CA5A: variants seen among roughly 807,000 people sequenced by gnomAD.
The protein encoded by CA5A is carbonic anhydrase 5A, also known as carbonic anhydrase 5A, mitochondrial.
Under a neutral mutation model 37.1 loss-of-function variants are expected in CA5A, and 28 were observed. That is an observed-to-expected ratio of 0.75 (90% confidence interval 0.56 to 1.03). The LOEUF (loss-of-function observed/expected upper bound fraction) is 1.03, where lower values mean the gene tolerates loss of function less well. Ranked by LOEUF, CA5A falls within the 50% of genes least tolerant of loss-of-function variation. The pLI is 0.00. For synonymous variants in CA5A, 171 were observed against 158.4 expected (o/e 1.08, Z -0.60); for missense variants, 444 against 399.9 (o/e 1.11, Z -0.94).
intron 2 of CA5A, among the ~76,000 whole-genome samples, chr16:87,905,856 C>T (rs551203224): frequency 9.2e-5 from 14 of 152,356 alleles, no homozygotes; most frequent in Non-Finnish European, 1.8e-4. Flanking sequence ...TGGCACAGTG[C>T]CAGGTGCAGC....
At position 87,902,503 on chromosome 16, in the gene CA5A, C is replaced by G; in HGVS notation, c.477G>C (p.Trp159Cys). Residue 159 changes from tryptophan to cysteine, a missense_variant, in exon 4 of 7, where the codon TGG becomes TGC. Physicochemically the swap from Trp to Cys is radical, Grantham distance 215. Coordinates refer to ENST00000649794, the MANE Select transcript of CA5A (RefSeq NM_001739.2). ...AYPAELHLVH[W>C]NSVKYQNYKE... ...TGTAATTTTGGTATTTCACAGAATT[C>G]CAGTGAACTAAATGCAGCTGAAACA... The G allele has an allele frequency of 6.3e-7, 1 of 1,588,386 alleles. No individual in the cohort carries two copies. Among genetic ancestry groups the G allele is most frequent in the Non-Finnish European group, 8.6e-7 (1 of 1,156,694 alleles).
intron 1 of CA5A, among the ~76,000 whole-genome samples, chr16:87,929,738 G>A (rs543612086): frequency 5.9e-5 from 9 of 151,946 alleles, no homozygotes; most frequent in Non-Finnish European, 1.3e-4. Context: ...CGGGCGTGGT[G>A]GCGGGCGCCT....
At chr16:87,920,437 G>A (rs2056214732) in intron 2 of CA5A, among the ~76,000 whole-genome samples, 1 of 151,950 alleles carries the variant, frequency 6.6e-6, no homozygotes, top group South Asian at 2.1e-4. Flanking sequence ...AGCCTCCTGA[G>A]TAGCTGGGAT....
At chr16:87,884,261 C>CAAAAAAAAAAAAAAAAAAAA (rs969489629), downstream of CA5A, 1 of 26,796 alleles carries the variant, frequency 3.7e-5, no homozygotes, top group African/African-American at 1.1e-4. Flanking sequence ...ACTAAAAATG[C>CAAAAAAAAAAAAAAAAAAAA]AAAAAAAAAA....
At chr16:87,920,508 C>G (rs2056215960) in intron 2 of CA5A, among the ~76,000 whole-genome samples, 1 of 152,008 alleles carries the variant, frequency 6.6e-6, no homozygotes, top group Non-Finnish European at 1.5e-5. Flanking sequence ...CGGGGTTTCA[C>G]CATGTTGGCC....
chr16:87,899,295 CTTTTTTTTTTTTT>C lies in CA5A; in HGVS notation c.618+2604_618+2616del, dbSNP rs774174056. On this transcript the variant is annotated intron_variant, in intron 5 of 6. Coordinates refer to ENST00000649794, the MANE Select transcript of CA5A (RefSeq NM_001739.2). ...GGCTGGGCCTTTTACCTCCTAAGGTCTTTTTTTTTTTTTTTTTTTTTTTTTTGAGATGAGTCTC... is the reference window on the plus strand; with the variant it reads ...GGCTGGGCCTTTTACCTCCTAAGGTCTTTTTTTTTTTTTGAGATGAGTCTC... 7.0e-5 allele frequency among the ~76,000 whole-genome samples: 6 copies of C among 85,852 alleles called. No homozygotes were observed. In the East Asian group the frequency reaches 1.9e-3, roughly 27 times the overall value. 56.3% of individuals were successfully genotyped at this position (85,852 alleles called of 152,430 possible).
chr16:87,912,624 C>T (rs1315656453), intron 2 of CA5A, among the ~76,000 whole-genome samples: 2 of 152,244 alleles, frequency 1.3e-5, no homozygotes, highest in African/African-American at 4.8e-5. Context: ...CCTCGCAGAG[C>T]GTGGAATCCA....
rs745458044 is a variant in CA5A at position 87,901,991 on chromosome 16, G to A, written c.556-17C>T. ...GGCCCCGAGCTGCATGGCAGACAAA[G>A]GAGGGGTTAGCTGCAAAGGCAGTGG... On this transcript the variant is annotated splice_polypyrimidine_tract_variant and intron_variant, in intron 4 of 6. Transcript: ENST00000649794. 2 of 1,612,532 alleles carry A rather than the reference G, an allele frequency of 1.2e-6. No homozygotes were observed. The highest frequency in any genetic ancestry group is 2.2e-5 in the South Asian group (2 of 91,052).
At chr16:87,903,893 C>T (rs568642657) in intron 3 of CA5A, among the ~76,000 whole-genome samples, 2 of 152,074 alleles carry the variant, frequency 1.3e-5, no homozygotes, top group African/African-American at 4.8e-5. Flanking sequence ...TTCATTTTTT[C>T]GTATGTTGCA....
intron 2 of CA5A, among the ~76,000 whole-genome samples, chr16:87,917,949 G>A (rs541865019): frequency 1.2e-4 from 18 of 152,332 alleles, no homozygotes; most frequent in Admixed American, 6.5e-4. Flanking sequence ...TTTCCTCTCA[G>A]TCCAGGGGTC....
At position 87,888,240 on chromosome 16, in the gene CA5A, T is replaced by A. The variant is rs72816311; in HGVS notation, c.807A>T (p.Ala269=). 315,225 of 1,613,382 alleles carry A rather than the reference T, an allele frequency of 0.2. 31,937 individuals are homozygous for A. The highest frequency in any genetic ancestry group is 0.26 in the South Asian group (23,953 of 91,040). Reference sequence around the variant, plus strand: ...CCATCATCTTCTCCTCTTCACCAAGTGCAGAAAACAGGAGAGTACGAAATG... The same window carrying A: ...CCATCATCTTCTCCTCTTCACCAAGAGCAGAAAACAGGAGAGTACGAAATG... ...LSAFRTLLFS[A]LGEEEKMMVN... The change falls in exon 7 of 7, where the codon GCA becomes GCT. Residue 269 remains alanine, a synonymous_variant. Coordinates refer to ENST00000649794, the MANE Select transcript of CA5A (RefSeq NM_001739.2).
chr16:87,936,234 T>C (rs2056469251), intron 1 of CA5A, 75 bp downstream of exon 1: 1 of 981,110 alleles, frequency 1.0e-6, no homozygotes, highest in Non-Finnish European at 1.6e-6. Context: ...CGGTCTCTCC[T>C]CTCTCCTCTC....
At chr16:87,891,980 T>TG in intron 5 of CA5A, 26 bp from the exon 6 acceptor site, 1 of 1,511,298 alleles carries the variant, frequency 6.6e-7, no homozygotes, top group Non-Finnish European at 8.8e-7. Flanking sequence ...GCACAGGACG[T>TG]GTCAGTCCTC....
chr16:87,919,374 C>T (rs2056198901), intron 2 of CA5A, among the ~76,000 whole-genome samples: 1 of 152,230 alleles, frequency 6.6e-6, no homozygotes, highest in Admixed American at 6.5e-5. Flanking sequence ...CACCCTCGGG[C>T]TGGCCAGACG....
At chr16:87,914,871 G>C (rs1376825968) in intron 2 of CA5A, among the ~76,000 whole-genome samples, 1 of 152,210 alleles carries the variant, frequency 6.6e-6, no homozygotes, top group Non-Finnish European at 1.5e-5. Context: ...TGGGCACAGA[G>C]AAGTGCAGCC....
intron 2 of CA5A, among the ~76,000 whole-genome samples, chr16:87,922,432 G>A (rs186667970): frequency 1.3e-5 from 2 of 152,334 alleles, no homozygotes; most frequent in East Asian, 3.9e-4. Context: ...TAAAGCCTGA[G>A]CCTGGGTTCC....
At chr16:87,927,968 T>C (rs1174311640) in intron 1 of CA5A, among the ~76,000 whole-genome samples, 4 of 152,088 alleles carry the variant, frequency 2.6e-5, no homozygotes, top group Non-Finnish European at 2.9e-5. Context: ...AATAACCTCA[T>C]GCTAAGAGAA....
At chr16:87,902,133 C>G (rs2055887867) in intron 4 of CA5A, among the ~76,000 whole-genome samples, 159 bp from the exon 5 acceptor site, 1 of 151,930 alleles carries the variant, frequency 6.6e-6, no homozygotes, top group Non-Finnish European at 1.5e-5. Flanking sequence ...GTGGGCGGAT[C>G]ATCTAAGGTC....
chr16:87,904,748 A>C (rs759396546), intron 3 of CA5A, 38 bp downstream of exon 3: 34 of 1,223,890 alleles, frequency 2.8e-5, no homozygotes, highest in Admixed American at 2.7e-4. Flanking sequence ...AGACATGGAA[A>C]GTGTGCAGAT....
Sources: allele counts gnomAD v4.1 joint callset (sites outside exome capture counted in the v4.1 genomes callset), GRCh38; gene constraint gnomAD v4.1.1; transcripts MANE v1.5; gene names NCBI Gene and HGNC (gene_info 2026-07-23, HGNC 2026-07-21).